Variants in SP8 observed in about 807,000 individuals in gnomAD.
The protein encoded by SP8 is transcription factor Sp8.
In SP8, 7 loss-of-function variants were observed where a neutral mutation model predicts 15.3. The ratio of observed to expected loss-of-function variants is 0.46; its 90% confidence interval spans 0.26 to 0.86. The LOEUF (loss-of-function observed/expected upper bound fraction) is 0.86, where lower values mean the gene tolerates loss of function less well. Among genes scored for constraint, SP8 ranks in the 40% least tolerant of loss-of-function variants. The probability of loss-of-function intolerance (pLI) is 0.16; values close to 1 mark genes in which losing one functional copy is unlikely to be tolerated. For synonymous variants in SP8, 415 were observed against 356.3 expected (o/e 1.16, Z -1.86); for missense variants, 731 against 736.4 (o/e 0.99, Z 0.09).
At position 20,786,455 on chromosome 7, in the gene SP8, A is replaced by G. The variant is rs1783680216; in HGVS notation, c.21+323T>C. 6.6e-6 allele frequency among the ~76,000 whole-genome samples: 1 copy of G among 152,140 alleles called. No homozygotes were observed. Among genetic ancestry groups the G allele is most frequent in the Admixed American group, 6.5e-5 (1 of 15,278 alleles). On this transcript the variant is annotated intron_variant, in intron 1 of 1. Transcript: ENST00000418710. The surrounding 1 kb of genome is among the most constrained non-coding windows in gnomAD (Gnocchi z 4.4). Reference sequence around the variant, plus strand: ...GGGAAGAATCTGCACTTTGCCCAGAAGGAAAAACTTGCTCTCTTTACCCCC... The same window carrying G: ...GGGAAGAATCTGCACTTTGCCCAGAGGGAAAAACTTGCTCTCTTTACCCCC...
chr7:20,785,892 T>C lies in SP8; in HGVS notation c.22-97A>G. On this transcript the variant is annotated intron_variant, in intron 1 of 1. Coordinates refer to ENST00000418710, the MANE Select transcript of SP8 (RefSeq NM_182700.6). This position sits in a 1 kb window ranked among gnomAD's most constrained non-coding sequence, Gnocchi z 7.2. ...AATGTGCATCAGTCCTTCGGTAGCC[T>C]CCAAAGCGCCCCACTGCACCCCATC... is the stretch of plus-strand genomic sequence containing the variant. 1 of 1,481,348 alleles carries C rather than the reference T, an allele frequency of 6.8e-7. No individual in the cohort carries two copies. The highest frequency in any genetic ancestry group is 9.1e-7 in the Non-Finnish European group (1 of 1,101,422). 91.8% of individuals were successfully genotyped at this position (1,481,348 alleles called of 1,614,324 possible).
At position 20,785,424 on chromosome 7, in the gene SP8, TGCGGCG is replaced by T. The variant is rs770823639; in HGVS notation, c.387_392del (p.Ala133_Ala134del). On this transcript the variant is annotated inframe_deletion, in exon 2 of 2. Transcript: ENST00000418710. The surrounding 1 kb of genome is among the most constrained non-coding windows in gnomAD (Gnocchi z 7.2). ...CGAAGGGCGAGCTGGAGGCGGCGGC[TGCGGCG>T]GCGGCGGCGGCGGCTGCGGCGCTGC... 26 of 1,167,028 alleles carry T rather than the reference TGCGGCG, an allele frequency of 2.2e-5. No homozygotes were observed. Among genetic ancestry groups the T allele is most frequent in the South Asian group, 1.1e-4 (5 of 43,868 alleles). 72.3% of individuals were successfully genotyped at this position (1,167,028 alleles called of 1,614,324 possible). A position where few individuals can be genotyped will look rare whatever the true frequency, so the allele number is the denominator to read the frequency against.
chr7:20,786,668 C>A lies in SP8; in HGVS notation c.21+110G>T. ...TATTTAAAGAAAAAAAAAAAAAGCTCTCAATAGAGAGACTGATAGCCCGTG... is the reference window on the plus strand; with the variant it reads ...TATTTAAAGAAAAAAAAAAAAAGCTATCAATAGAGAGACTGATAGCCCGTG... On this transcript the variant is annotated intron_variant, in intron 1 of 1. Transcript: ENST00000418710. This position sits in a 1 kb window ranked among gnomAD's most constrained non-coding sequence, Gnocchi z 4.4. The A allele has an allele frequency of 2.4e-6, 2 of 850,650 alleles. No individual in the cohort carries two copies. Among genetic ancestry groups the A allele is most frequent in the Non-Finnish European group, 4.0e-6 (2 of 504,968 alleles). The allele number at this position is 850,650 out of a possible 1,614,324, so 52.7% of individuals were successfully genotyped here.
chr7:20,785,904 C>T lies in SP8; in HGVS notation c.22-109G>A, dbSNP rs1263980271. The T allele has an allele frequency of 2.7e-6, 4 of 1,471,450 alleles. No individual in the cohort carries two copies. The South Asian group carries it at 4.1e-5, about 15-fold the overall frequency. The allele number at this position is 1,471,450 out of a possible 1,614,324, so 91.1% of individuals were successfully genotyped here. ...TCCTTCGGTAGCCTCCAAAGCGCCC[C>T]ACTGCACCCCATCTCTCGCTGCGGC... On this transcript the variant is annotated intron_variant, in intron 1 of 1. Transcript: ENST00000418710. The surrounding 1 kb of genome is among the most constrained non-coding windows in gnomAD (Gnocchi z 7.2).
At position 20,782,903 on chromosome 7, in the gene SP8, C is replaced by T. The variant is rs969119304; in HGVS notation, c.*1387G>A. ...TCAAATATTTACTGGAAGTAATGTACAAGAAAAATACTATACAAAATCGTC... is the reference window on the plus strand; with the variant it reads ...TCAAATATTTACTGGAAGTAATGTATAAGAAAAATACTATACAAAATCGTC... On this transcript the variant is annotated 3_prime_UTR_variant, in exon 2 of 2. Transcript: ENST00000418710. 2.0e-5 allele frequency: 3 copies of T among 152,328 alleles called. No homozygotes were observed. Among genetic ancestry groups the T allele is most frequent in the Admixed American group, 6.6e-5 (1 of 15,262 alleles). 9.4% of individuals were successfully genotyped at this position (152,328 alleles called of 1,614,324 possible).
Position 20,785,498 on chromosome 7 carries a change from AGC to A in SP8, c.317_318del (p.Ser106MetfsTer102). 1 of 1,439,298 alleles carries A rather than the reference AGC, an allele frequency of 6.9e-7. No individual in the cohort carries two copies. Among genetic ancestry groups the A allele is most frequent in the Non-Finnish European group, 9.0e-7 (1 of 1,106,972 alleles). The allele number at this position is 1,439,298 out of a possible 1,614,324, so 89.2% of individuals were successfully genotyped here. A position where few individuals can be genotyped will look rare whatever the true frequency, so the allele number is the denominator to read the frequency against. The stretch of plus-strand genomic sequence containing the variant: ...GCGCTGGAGCCAGGCGAGCCGCCGC[AGC>A]TGAACGAGTCGGACACCAGGGCCGC... ...AAAALVSDSFSCGGSPGSSAF... is the reference protein window; with the variant it reads ...AAAALVSDSFXCGGSPGSSAF... On this transcript the variant is annotated frameshift_variant, in exon 2 of 2. Coordinates refer to ENST00000418710, the MANE Select transcript of SP8 (RefSeq NM_182700.6). LOFTEE classifies it low-confidence loss of function (END_TRUNC). The surrounding 1 kb of genome is among the most constrained non-coding windows in gnomAD (Gnocchi z 7.2).
chr7:20,784,922 C>T lies in SP8; in HGVS notation c.895G>A (p.Asp299Asn). ...CCGGGTAGCACTGGCTTGAAGCCGT[C>T]CATGAGGTGCTGCCCGGCGGGGCTG... is the stretch of plus-strand genomic sequence containing the variant. ...LLSPAGQHLM[D>N]GFKPVLPGSY... The change falls in exon 2 of 2, where the codon GAC becomes AAC. Residue 299 changes from aspartate to asparagine, a missense_variant. Asp to Asn is a conservative substitution (Grantham distance 23). Transcript: ENST00000418710. 6.5e-7 allele frequency: 1 copy of T among 1,546,804 alleles called. No individual in the cohort carries two copies. Among genetic ancestry groups the T allele is most frequent in the Non-Finnish European group, 8.7e-7 (1 of 1,152,916 alleles).
In SP8 at chr7:20,785,430, G is replaced by A; in HGVS notation, c.387C>T (p.Ala129=). ...TSSSAAAAAA[A]AAAAASSSPF... ...GCGAGCTGGAGGCGGCGGCTGCGGC[G>A]GCGGCGGCGGCGGCTGCGGCGCTGC... Residue 129 remains alanine, a synonymous_variant, in exon 2 of 2, where the codon GCC becomes GCT. Transcript: ENST00000418710. The surrounding 1 kb of genome is among the most constrained non-coding windows in gnomAD (Gnocchi z 7.2). The A allele has an allele frequency of 1.5e-6, 2 of 1,310,424 alleles. No homozygotes were observed. Among genetic ancestry groups the A allele is most frequent in the Non-Finnish European group, 2.0e-6 (2 of 1,021,836 alleles). The allele number at this position is 1,310,424 out of a possible 1,614,324, so 81.2% of individuals were successfully genotyped here.
rs770644359 is a variant in SP8 at position 20,784,444 on chromosome 7, C to A, written c.1373G>T (p.Gly458Val). 4 of 1,540,304 alleles carry A rather than the reference C, an allele frequency of 2.6e-6. No homozygotes were observed. In the South Asian group the frequency reaches 4.8e-5, roughly 18 times the overall value. The change falls in exon 2 of 2, where the codon GGC (glycine) becomes GTC (valine). Residue 458 changes from glycine (G) to valine (V), a missense_variant. Coordinates refer to ENST00000418710, the MANE Select transcript of SP8 (RefSeq NM_182700.6). ...CGCCGAGCCGCCGCCGCCGCCGCCG[C>A]CACTGTGCGTCTTCACGTGCTTGCT... ...HLSKHVKTHS[G>V]GGGGGGSAGS...
At position 20,785,771 on chromosome 7, in the gene SP8, G is replaced by A. The variant is rs1332549272; in HGVS notation, c.46C>T (p.Pro16Ser). 3 of 1,611,496 alleles carry A rather than the reference G, an allele frequency of 1.9e-6. No individual in the cohort carries two copies. Among genetic ancestry groups the A allele is most frequent in the Non-Finnish European group, 2.5e-6 (3 of 1,178,714 alleles). The change falls in exon 2 of 2, where the codon CCT becomes TCT. Residue 16 changes from proline to serine, a missense_variant. Pro to Ser is a moderately conservative substitution (Grantham distance 74). Coordinates refer to ENST00000418710, the MANE Select transcript of SP8 (RefSeq NM_182700.6). This position sits in a 1 kb window ranked among gnomAD's most constrained non-coding sequence, Gnocchi z 7.2. ...CAGGTAGCGGCAAGCATGGCCAGAGGAGTCGATCCCAACCTCGGTTCTTCC... is the reference window on the plus strand; with the variant it reads ...CAGGTAGCGGCAAGCATGGCCAGAGAAGTCGATCCCAACCTCGGTTCTTCC... ...LGEEPRLGST[P>S]LAMLAATCNK...
At position 20,785,547 on chromosome 7, in the gene SP8, G is replaced by GGCCGCCGCA. The variant is rs755184296; in HGVS notation, c.261_269dup (p.Ala97_Ala99dup). On this transcript the variant is annotated inframe_insertion, in exon 2 of 2. Coordinates refer to ENST00000418710, the MANE Select transcript of SP8 (RefSeq NM_182700.6). The surrounding 1 kb of genome is among the most constrained non-coding windows in gnomAD (Gnocchi z 7.2). Reference sequence around the variant, plus strand: ...CCGCGGCAGCCGCGGCTGCTGCCGCGGCCGCCGCAGCCGCCGAGGACGAGC... The same window carrying GGCCGCCGCA: ...CCGCGGCAGCCGCGGCTGCTGCCGCGGCCGCCGCAGCCGCCGCAGCCGCCGAGGACGAGC... 21 of 1,340,546 alleles carry GGCCGCCGCA rather than the reference G, an allele frequency of 1.6e-5. No homozygotes were observed. Among genetic ancestry groups the GGCCGCCGCA allele is most frequent in the Non-Finnish European group, 2.0e-5 (20 of 1,025,348 alleles). The allele number at this position is 1,340,546 out of a possible 1,614,324, so 83.0% of individuals were successfully genotyped here.
chr7:20,784,788 G>C lies in SP8; in HGVS notation c.1029C>G (p.Arg343=). 1 of 1,539,168 alleles carries C rather than the reference G, an allele frequency of 6.5e-7. No individual in the cohort carries two copies. The change falls in exon 2 of 2, where the codon CGC becomes CGG. Residue 343 remains arginine, a synonymous_variant. Coordinates refer to ENST00000418710, the MANE Select transcript of SP8 (RefSeq NM_182700.6). ...AGTCGCAGGTGGCGCGGCCGGAGTA[G>C]CGGCGAGCTGAGGAGCGCGGGGAGC... ...LGGSPRSSAR[R]YSGRATCDCP...
chr7:20,785,328 G>GCCGCCGCCC lies in SP8; in HGVS notation c.480_488dup (p.Gly163_Gly165dup), dbSNP rs756323747. ...CCTGCGAGTGCGCGGAGGAGCCGCC[G>GCCGCCGCCC]CCGCCGCCCCCGCCGCCGCCGCCGC... is the stretch of plus-strand genomic sequence containing the variant. On this transcript the variant is annotated inframe_insertion, in exon 2 of 2. Coordinates refer to ENST00000418710, the MANE Select transcript of SP8 (RefSeq NM_182700.6). The surrounding 1 kb of genome is among the most constrained non-coding windows in gnomAD (Gnocchi z 7.2). The GCCGCCGCCC allele has an allele frequency of 4.0e-6, 6 of 1,486,676 alleles. No homozygotes were observed. The highest frequency in any genetic ancestry group is 5.9e-5 in the East Asian group (2 of 34,060). 92.1% of individuals were successfully genotyped at this position (1,486,676 alleles called of 1,614,324 possible).
rs1012814640 is a variant in SP8 at position 20,784,052 on chromosome 7, G to C, written c.*238C>G. Reference sequence around the variant, plus strand: ...GTTCCGGCTGCAACGGGTTCAGGCAGCGTTACCCGTGGAAAGGGAAAGCCA... The same window carrying C: ...GTTCCGGCTGCAACGGGTTCAGGCACCGTTACCCGTGGAAAGGGAAAGCCA... On this transcript the variant is annotated 3_prime_UTR_variant, in exon 2 of 2. Coordinates refer to ENST00000418710, the MANE Select transcript of SP8 (RefSeq NM_182700.6). 1 of 455,680 alleles carries C rather than the reference G, an allele frequency of 2.2e-6. No individual in the cohort carries two copies. Among genetic ancestry groups the C allele is most frequent in the African/African-American group, 2.1e-5 (1 of 48,776 alleles). The allele number at this position is 455,680 out of a possible 1,614,324, so 28.2% of individuals were successfully genotyped here.
In SP8 at chr7:20,785,519, G is replaced by C; in HGVS notation, c.298C>G (p.Leu100Val). The C allele has an allele frequency of 4.1e-6, 6 of 1,459,560 alleles. No individual in the cohort carries two copies. Among genetic ancestry groups the C allele is most frequent in the Non-Finnish European group, 5.4e-6 (6 of 1,116,778 alleles). 90.4% of individuals were successfully genotyped at this position (1,459,560 alleles called of 1,614,324 possible). A position where few individuals can be genotyped will look rare whatever the true frequency, so the allele number is the denominator to read the frequency against. Residue 100 changes from leucine to valine, a missense_variant, in exon 2 of 2, where the codon CTG becomes GTG. Leu to Val is a conservative substitution (Grantham distance 32). This residue lies in a region of SP8 where 586 missense variants were observed against 524.9 expected (regional missense o/e 1.12). Transcript: ENST00000418710. The surrounding 1 kb of genome is among the most constrained non-coding windows in gnomAD (Gnocchi z 7.2). ...CCGCAGCTGAACGAGTCGGACACCAGGGCCGCGGCAGCCGCGGCTGCTGCC... is the reference window on the plus strand; with the variant it reads ...CCGCAGCTGAACGAGTCGGACACCACGGCCGCGGCAGCCGCGGCTGCTGCC... ...AAAAAAAAAALVSDSFSCGGS... is the reference protein window; with the variant it reads ...AAAAAAAAAAVVSDSFSCGGS...
rs200114786 is a variant in SP8 at position 20,782,300 on chromosome 7, T to A, written c.*1990A>T. 9 of 152,634 alleles carry A rather than the reference T, an allele frequency of 5.9e-5. No individual in the cohort carries two copies. Among genetic ancestry groups the A allele is most frequent in the African/African-American group, 2.2e-4 (9 of 41,472 alleles). 9.5% of individuals were successfully genotyped at this position (152,634 alleles called of 1,614,324 possible). A position where few individuals can be genotyped will look rare whatever the true frequency, so the allele number is the denominator to read the frequency against. The stretch of plus-strand genomic sequence containing the variant: ...GGCCTAGTCTTTTATCTGAGTTTAT[T>A]ATACCATTTAAAATATTACAAATAA... On this transcript the variant is annotated 3_prime_UTR_variant, in exon 2 of 2. Coordinates refer to ENST00000418710, the MANE Select transcript of SP8 (RefSeq NM_182700.6).
rs1014251491 is a variant in SP8, at chr7:20,784,310, G to C, written c.1507C>G (p.His503Asp). The C allele has an allele frequency of 3.3e-6, 5 of 1,498,444 alleles. No homozygotes were observed. In the African/African-American group the frequency reaches 5.8e-5, roughly 17 times the overall value. 92.8% of individuals were successfully genotyped at this position (1,498,444 alleles called of 1,614,324 possible). ...PELLQPPEPG[H>D]RNGLE Reference sequence around the variant, plus strand: ...GGGCGTCACTCTAGGCCGTTGCGGTGCCCGGGCTCGGGGGGCTGCAGCAGC... The same window carrying C: ...GGGCGTCACTCTAGGCCGTTGCGGTCCCCGGGCTCGGGGGGCTGCAGCAGC... The change falls in exon 2 of 2, where the codon CAC becomes GAC. Residue 503 changes from histidine to aspartate, a missense_variant. Transcript: ENST00000418710.
Position 20,784,327 on chromosome 7 carries a change from T to G in SP8, c.1490A>C (p.Gln497Pro), listed in dbSNP as rs1460646355. The change falls in exon 2 of 2, where the codon CAG (glutamine) becomes CCG (proline). Residue 497 changes from glutamine (Q) to proline (P), a missense_variant. By Grantham distance (76) the Gln-to-Pro change is moderately conservative. Around this residue, in one of 3 missense-constraint regions of SP8, gnomAD observed 114 missense variants for 111.9 expected, o/e 1.02. Transcript: ENST00000418710. ...SPPCHSPELLQPPEPGHRNGL... is the reference protein window; with the variant it reads ...SPPCHSPELLPPPEPGHRNGL... Reference sequence around the variant, plus strand: ...GTTGCGGTGCCCGGGCTCGGGGGGCTGCAGCAGCTCTGGGGAGTGGCAGGG... The same window carrying G: ...GTTGCGGTGCCCGGGCTCGGGGGGCGGCAGCAGCTCTGGGGAGTGGCAGGG... 8 of 1,504,346 alleles carry G rather than the reference T, an allele frequency of 5.3e-6. No homozygotes were observed. The highest frequency in any genetic ancestry group is 4.2e-5 in the Admixed American group (2 of 47,550). 93.2% of individuals were successfully genotyped at this position (1,504,346 alleles called of 1,614,324 possible).
Position 20,782,889 on chromosome 7 carries a change from C to T in SP8, c.*1401G>A, listed in dbSNP as rs189355104. 2 of 152,394 alleles carry T rather than the reference C, an allele frequency of 1.3e-5. No homozygotes were observed. The highest frequency in any genetic ancestry group is 1.9e-4 in the East Asian group (1 of 5,188). The allele number at this position is 152,394 out of a possible 1,614,324, so 9.4% of individuals were successfully genotyped here. ...ACTTCAATATATTTTCAAATATTTA[C>T]TGGAAGTAATGTACAAGAAAAATAC... On this transcript the variant is annotated 3_prime_UTR_variant, in exon 2 of 2. Coordinates refer to ENST00000418710, the MANE Select transcript of SP8 (RefSeq NM_182700.6).
Sources: allele counts gnomAD v4.1 joint callset (sites outside exome capture counted in the v4.1 genomes callset), GRCh38; gene constraint gnomAD v4.1.1; regional missense constraint gnomAD v4.1.1; non-coding constraint Gnocchi (gnomAD v3.1); transcripts MANE v1.5; gene names NCBI Gene and HGNC (gene_info 2026-07-23, HGNC 2026-07-21).